Variants in NMNAT2 observed in about 807,000 individuals in gnomAD.
NMNAT2 encodes nicotinamide/nicotinic acid mononucleotide adenylyltransferase 2.
NMNAT2 carries 11 observed loss-of-function variants against 41.6 expected under a neutral mutation model. The ratio of observed to expected loss-of-function variants is 0.26; its 90% CI spans 0.17 to 0.44. NMNAT2 has a LOEUF of 0.44. Ranked by LOEUF, NMNAT2 falls within the 20% of genes least tolerant of loss-of-function variation. The pLI is 1.00. For synonymous variants in NMNAT2, 148 were observed against 151.2 expected, an observed-to-expected ratio of 0.98 and a Z score of 0.16; for missense variants, 288 against 407.7, an observed-to-expected ratio of 0.71 and a Z score of 2.53.
chr1:183,363,014 G>A (rs991801462), intron 1 of NMNAT2, among the ~76,000 whole-genome samples: 3 of 152,148 alleles, frequency 2.0e-5, no homozygotes, highest in South Asian at 4.1e-4. Flanking sequence ...GTATCTCACT[G>A]TGATTTTGAT....
chr1:183,416,973 T>TA (rs1557905188), intron 1 of NMNAT2, among the ~76,000 whole-genome samples: 53 of 152,100 alleles, frequency 3.5e-4, no homozygotes. Context: ...GCGGGCCAGG[T>TA]CAGGGCCTCC....
At chr1:183,256,129 C>T (rs927250307) in intron 10 of NMNAT2, among the ~76,000 whole-genome samples, 8 of 151,832 alleles carry the variant, frequency 5.3e-5, no homozygotes, top group East Asian at 1.9e-4. Context: ...ATTGCCTTGC[C>T]GGGAGTGGTG....
At chr1:183,255,954 G>A (rs4652787) in intron 10 of NMNAT2, among the ~76,000 whole-genome samples, 36,790 of 151,696 alleles carry the variant, frequency 0.24, 5,050 homozygotes, top group African/African-American at 0.36. Flanking sequence ...GTGAGCCACC[G>A]TGCCTGGCTG....
At chr1:183,393,508 G>T (rs1420316447) in intron 1 of NMNAT2, among the ~76,000 whole-genome samples, 1 of 151,946 alleles carries the variant, frequency 6.6e-6, no homozygotes, top group African/African-American at 2.4e-5. Flanking sequence ...GTTCTCTGGA[G>T]TGCTTGAGTG....
At chr1:183,267,437 C>T (rs1660846612) in intron 8 of NMNAT2, among the ~76,000 whole-genome samples, 1 of 152,222 alleles carries the variant, frequency 6.6e-6, no homozygotes. Context: ...CCTAATCCTT[C>T]TGATGTGCAC....
intron 7 of NMNAT2, chr1:183,283,508 G>A: frequency 5.2e-6 from 1 of 191,184 alleles, no homozygotes; most frequent in South Asian, 8.7e-5. Flanking sequence ...CTCTGGTATT[G>A]GGTTGGGCAG....
chr1:183,383,210 G>A (rs1663840902), intron 1 of NMNAT2, among the ~76,000 whole-genome samples: 1 of 152,204 alleles, frequency 6.6e-6, no homozygotes, highest in African/African-American at 2.4e-5. Flanking sequence ...CACGGCTGGA[G>A]CTAGAGTGGC....
chr1:183,291,285 A>G (rs1170337456), intron 3 of NMNAT2, among the ~76,000 whole-genome samples: 2 of 151,790 alleles, frequency 1.3e-5, no homozygotes, highest in African/African-American at 2.4e-5. Context: ...ACCCCACCAC[A>G]TACACATGCC....
intron 1 of NMNAT2, among the ~76,000 whole-genome samples, chr1:183,403,735 T>A (rs1648881232): frequency 6.6e-6 from 1 of 152,232 alleles, no homozygotes; most frequent in African/African-American, 2.4e-5. Flanking sequence ...AGCAGGGAGT[T>A]CTTTATTCAC....
At chr1:183,275,865 G>C (rs1463882820) in intron 8 of NMNAT2, among the ~76,000 whole-genome samples, 2 of 152,010 alleles carry the variant, frequency 1.3e-5, no homozygotes, top group African/African-American at 2.4e-5. Context: ...GTAGAGACAG[G>C]GTTTCACCGT....
intron 1 of NMNAT2, among the ~76,000 whole-genome samples, chr1:183,349,781 A>C (rs1163632098): frequency 6.6e-6 from 1 of 152,234 alleles, no homozygotes; most frequent in Non-Finnish European, 1.5e-5. Flanking sequence ...TGGGGAAGGA[A>C]GGGAACATCA....
chr1:183,269,807 G>A (rs1286625024), intron 8 of NMNAT2, among the ~76,000 whole-genome samples: 1 of 152,152 alleles, frequency 6.6e-6, no homozygotes, highest in East Asian at 1.9e-4. Context: ...ATCCACCGTG[G>A]TCTGCCTTAA....
intron 1 of NMNAT2, among the ~76,000 whole-genome samples, chr1:183,311,134 T>A (rs1184223415): frequency 6.6e-6 from 1 of 152,010 alleles, no homozygotes; most frequent in African/African-American, 2.4e-5. Flanking sequence ...TCCACTCCCT[T>A]CCCTTTGTTT....
intron 6 of NMNAT2, among the ~76,000 whole-genome samples, chr1:183,284,300 G>A (rs1016560541): frequency 6.6e-5 from 10 of 152,338 alleles, no homozygotes; most frequent in South Asian, 6.2e-4. Context: ...AGCCAATGCC[G>A]AACACACACA....
intron 1 of NMNAT2, among the ~76,000 whole-genome samples, chr1:183,372,485 C>G (rs1392685835): frequency 6.6e-6 from 1 of 152,124 alleles, no homozygotes; most frequent in Non-Finnish European, 1.5e-5. Flanking sequence ...GCCTCAGCCT[C>G]CAAACACAGA....
chr1:183,385,505 G>C (rs543325540), intron 1 of NMNAT2, among the ~76,000 whole-genome samples: 2 of 152,178 alleles, frequency 1.3e-5, no homozygotes, highest in South Asian at 2.1e-4. Flanking sequence ...CCAGTCTGTA[G>C]ACCTGCTGAA....
intron 1 of NMNAT2, among the ~76,000 whole-genome samples, chr1:183,392,775 A>T (rs1278894406): frequency 6.6e-6 from 1 of 152,108 alleles, no homozygotes; most frequent in Non-Finnish European, 1.5e-5. Context: ...TCATATGGCT[A>T]AATCCTTCAT....
At chr1:183,372,527 A>G (rs1468199026) in intron 1 of NMNAT2, among the ~76,000 whole-genome samples, 1 of 152,190 alleles carries the variant, frequency 6.6e-6, no homozygotes, top group Non-Finnish European at 1.5e-5. Context: ...AGCCACCTGT[A>G]TGGCTCCCAG....
intron 10 of NMNAT2, among the ~76,000 whole-genome samples, chr1:183,254,711 A>G (rs1323531044): frequency 6.6e-6 from 1 of 152,214 alleles, no homozygotes; most frequent in East Asian, 1.9e-4. Context: ...TGCTGGGATT[A>G]TAGGTATGAG....
Sources: gnomAD v4.1 joint callset for allele counts (sites outside exome capture counted in the v4.1 genomes callset) on GRCh38, gnomAD v4.1.1 for gene constraint, MANE v1.5 for transcripts, NCBI Gene and HGNC (gene_info 2026-07-23, HGNC 2026-07-21) for gene names.